The following PTPRZ1 variants were observed in gnomAD, a reference collection of about 807,000 sequenced individuals.
PTPRZ1 encodes receptor-type tyrosine-protein phosphatase zeta.
In PTPRZ1, 82 loss-of-function variants were observed where a neutral mutation model predicts 214.1. The ratio of observed to expected loss-of-function variants is 0.38; its 90% CI spans 0.32 to 0.46. The LOEUF (loss-of-function observed/expected upper bound fraction) is 0.46, where lower values mean the gene tolerates loss of function less well. Ranked by LOEUF, PTPRZ1 falls within the 20% of genes least tolerant of loss-of-function variation. The probability of loss-of-function intolerance (pLI) is 1.00; values close to 1 mark genes in which losing one functional copy is unlikely to be tolerated. For missense variants in PTPRZ1, 2,603 were observed against 2,748.7 expected (o/e 0.95, Z 1.19); for synonymous variants, 945 against 987.9 (o/e 0.96, Z 0.81).
chr7:122,059,546 A>T, intron 28 of PTPRZ1: 1 of 520,500 alleles, frequency 1.9e-6, no homozygotes, highest in Non-Finnish European at 3.3e-6. Context: ...AAACTTCTGT[A>T]AAGTATTCCA....
At chr7:121,974,405 G>A (rs549774032) in intron 4 of PTPRZ1, among the ~76,000 whole-genome samples, 1 of 152,270 alleles carries the variant, frequency 6.6e-6, no homozygotes, top group East Asian at 1.9e-4. Flanking sequence ...ACATGGTACA[G>A]AATCCATGCA....
chr7:122,058,421 G>T (rs1290108095), intron 27 of PTPRZ1, among the ~76,000 whole-genome samples: 4 of 152,020 alleles, frequency 2.6e-5, no homozygotes, highest in Non-Finnish European at 5.9e-5. Flanking sequence ...GATAAGTGAA[G>T]AAAGTGTATG....
At chr7:121,879,371 A>T (rs1332966534) in intron 1 of PTPRZ1, among the ~76,000 whole-genome samples, 2 of 152,160 alleles carry the variant, frequency 1.3e-5, no homozygotes, top group African/African-American at 4.8e-5. Context: ...GGGATGCAGG[A>T]TGGTCAGTAA....
chr7:122,023,624 TTA>T (rs1330698822), intron 13 of PTPRZ1, among the ~76,000 whole-genome samples: 7 of 131,160 alleles, frequency 5.3e-5, no homozygotes, highest in Non-Finnish European at 3.1e-5. Context: ...ATTATATATA[TTA>T]TATGTATAAT....
At chr7:121,958,925 G>A (rs1423197428) in intron 2 of PTPRZ1, among the ~76,000 whole-genome samples, 1 of 152,138 alleles carries the variant, frequency 6.6e-6, no homozygotes, top group African/African-American at 2.4e-5. Context: ...CCAGGTTCAA[G>A]CCATTCTCCT....
At chr7:121,874,109 G>A (rs1325307674) in intron 1 of PTPRZ1, among the ~76,000 whole-genome samples, 1 of 151,236 alleles carries the variant, frequency 6.6e-6, no homozygotes, top group Non-Finnish European at 1.5e-5. Context: ...GACTTTTCAG[G>A]GTTTTTTTTA....
chr7:121,908,359 C>CGTATAA, intron 1 of PTPRZ1: 3 of 230,646 alleles, frequency 1.3e-5, no homozygotes, highest in Admixed American at 5.5e-5. Flanking sequence ...AGATCAATCC[C>CGTATAA]TTTGGAAAAG....
At chr7:121,910,494 A>G (rs1795239873) in intron 1 of PTPRZ1, among the ~76,000 whole-genome samples, 1 of 152,096 alleles carries the variant, frequency 6.6e-6, no homozygotes, top group Non-Finnish European at 1.5e-5. Context: ...GCCTATATAT[A>G]TATATGAAAC....
At chr7:121,944,566 A>G (rs541525425) in intron 2 of PTPRZ1, among the ~76,000 whole-genome samples, 1 of 152,174 alleles carries the variant, frequency 6.6e-6, no homozygotes, top group Non-Finnish European at 1.5e-5. Flanking sequence ...GAGTTAAACA[A>G]CTCATGTAAT....
intron 2 of PTPRZ1, among the ~76,000 whole-genome samples, chr7:121,943,526 G>A (rs1009353773): frequency 2.6e-5 from 4 of 152,078 alleles, no homozygotes; most frequent in African/African-American, 9.7e-5. Context: ...TTTTAGTAGA[G>A]ATGGGGCTTT....
At chr7:121,920,899 T>G (rs1283950509) in intron 1 of PTPRZ1, among the ~76,000 whole-genome samples, 1 of 152,110 alleles carries the variant, frequency 6.6e-6, no homozygotes, top group African/African-American at 2.4e-5. Context: ...TGATTCATTA[T>G]CATGTAAAGA....
intron 2 of PTPRZ1, 99 bp downstream of exon 2, chr7:121,928,320 G>A (rs1795825019): frequency 1.3e-6 from 1 of 762,972 alleles, no homozygotes; most frequent in Non-Finnish European, 2.1e-6. Context: ...AACACATCAT[G>A]TCAACTTAGC....
At chr7:122,030,756 A>G (rs995670184) in intron 14 of PTPRZ1, among the ~76,000 whole-genome samples, 2 of 152,020 alleles carry the variant, frequency 1.3e-5, no homozygotes, top group Non-Finnish European at 2.9e-5. Flanking sequence ...AACTAGTAAT[A>G]TATTCAGTCT....
intron 1 of PTPRZ1, among the ~76,000 whole-genome samples, chr7:121,890,890 C>T (rs1452984513): frequency 1.3e-5 from 2 of 151,688 alleles, no homozygotes; most frequent in Non-Finnish European, 2.9e-5. Flanking sequence ...GTTGTCTGGG[C>T]TAGTCTTGAC....
At chr7:121,999,642 A>G (rs2116621374) in intron 10 of PTPRZ1, among the ~76,000 whole-genome samples, 1 of 152,336 alleles carries the variant, frequency 6.6e-6, no homozygotes, top group South Asian at 2.1e-4. Flanking sequence ...GCAAAAAATT[A>G]TTACTTTTAC....
At chr7:121,959,037 A>T (rs146278412) in intron 2 of PTPRZ1, among the ~76,000 whole-genome samples, 5,645 of 152,102 alleles carry the variant, frequency 0.037, 117 homozygotes, top group East Asian at 0.086. Flanking sequence ...GTTAGCCAGG[A>T]TGGTCTCAAT....
Position 122,011,752 on chromosome 7 carries a change from G to A in PTPRZ1, c.2706G>A (p.Thr902=), listed in dbSNP as rs1385404732. 1.3e-5 allele frequency: 21 copies of A among 1,614,024 alleles called. No homozygotes were observed. The highest frequency in any genetic ancestry group is 6.7e-5 in the East Asian group (3 of 44,858). The change falls in exon 12 of 30, where the codon ACG becomes ACA. Residue 902 remains threonine (T), a synonymous_variant. Transcript: ENST00000393386. ...FGSESGVLYK[T]LMFSQVEPPS... ...GTGAATCTGGTGTTCTTTATAAAACGCTTATGTTTTCTCAAGTTGAACCAC... is the reference window on the plus strand; with the variant it reads ...GTGAATCTGGTGTTCTTTATAAAACACTTATGTTTTCTCAAGTTGAACCAC...
At chr7:121,969,250 AAAAC>A (rs564388497) in intron 3 of PTPRZ1, among the ~76,000 whole-genome samples, 4 of 149,980 alleles carry the variant, frequency 2.7e-5, no homozygotes, top group Admixed American at 6.6e-5. Flanking sequence ...AAATCAAATC[AAAAC>A]AAACAAACAA....
intron 1 of PTPRZ1, among the ~76,000 whole-genome samples, chr7:121,906,534 T>C (rs778929790): frequency 5.9e-5 from 9 of 152,168 alleles, no homozygotes; most frequent in Non-Finnish European, 1.0e-4. Flanking sequence ...TAGGCTTCCA[T>C]AGTTGCAATT....
Sources: allele counts gnomAD v4.1 joint callset (sites outside exome capture counted in the v4.1 genomes callset), GRCh38; gene constraint gnomAD v4.1.1; transcripts MANE v1.5; gene names NCBI Gene and HGNC (gene_info 2026-07-23, HGNC 2026-07-21).